REPS1: variants seen among roughly 807,000 people sequenced by gnomAD.
REPS1 encodes RALBP1 associated Eps domain containing 1, also known as ralBP1-associated Eps domain-containing protein 1.
Under a neutral mutation model 100.9 loss-of-function variants are expected in REPS1, and 39 were observed. That is an observed-to-expected ratio of 0.39 (90% CI 0.30 to 0.50). The LOEUF (loss-of-function observed/expected upper bound fraction) is 0.50. Ranked by LOEUF, REPS1 falls within the 20% of genes least tolerant of loss-of-function variation. The pLI is 0.86. For missense variants in REPS1, 821 were observed against 968.5 expected (o/e 0.85, Z 2.02); for synonymous variants, 324 against 340.3 (o/e 0.95, Z 0.53).
Position 138,905,150 on chromosome 6 carries a change from G to C in REPS1, c.2323-18C>G. The stretch of plus-strand genomic sequence containing the variant: ...AGAACATCCTGAAAAAGATGCAAAG[G>C]CCAAGTTATGTTTCAAAGTATATAA... On this transcript the variant is annotated intron_variant, in intron 19 of 19. Coordinates refer to ENST00000450536, the MANE Select transcript of REPS1 (RefSeq NM_001286611.2). 2 of 1,457,098 alleles carry C rather than the reference G, an allele frequency of 1.4e-6. No homozygotes were observed. Among genetic ancestry groups the C allele is most frequent in the Non-Finnish European group, 1.9e-6 (2 of 1,037,454 alleles). The allele number at this position is 1,457,098 out of a possible 1,614,324, so 90.3% of individuals were successfully genotyped here. A position where few individuals can be genotyped will look rare whatever the true frequency, so the allele number is the denominator to read the frequency against.
At chr6:138,923,611 A>G (rs1213696077) in intron 10 of REPS1, among the ~76,000 whole-genome samples, 3 of 152,196 alleles carry the variant, frequency 2.0e-5, no homozygotes, top group Non-Finnish European at 4.4e-5. Flanking sequence ...ATCCTAGCAG[A>G]AGCAGATTCT....
intron 8 of REPS1, among the ~76,000 whole-genome samples, chr6:138,933,170 G>A (rs541877745): frequency 1.2e-4 from 19 of 152,132 alleles, no homozygotes; most frequent in Non-Finnish European, 2.1e-4. Context: ...TAGTACCAAA[G>A]AATAATTACG....
chr6:138,942,237 T>C (rs1287538548), intron 7 of REPS1, among the ~76,000 whole-genome samples: 1 of 152,220 alleles, frequency 6.6e-6, no homozygotes, highest in Non-Finnish European at 1.5e-5. Flanking sequence ...CTTTCCTAGA[T>C]ACAGACAACC....
intron 1 of REPS1, among the ~76,000 whole-genome samples, chr6:138,960,061 G>C (rs1203787584): frequency 6.6e-6 from 1 of 152,180 alleles, no homozygotes. Flanking sequence ...TCCAGTTAAA[G>C]GTTCTGTAGT....
At chr6:138,945,967 T>C (rs1431950759) in intron 2 of REPS1, among the ~76,000 whole-genome samples, 1 of 152,190 alleles carries the variant, frequency 6.6e-6, no homozygotes, top group Non-Finnish European at 1.5e-5. Flanking sequence ...TTTGGCCCTA[T>C]ACTTGCCACT....
At chr6:138,960,954 A>C (rs1783698445) in intron 1 of REPS1, among the ~76,000 whole-genome samples, 1 of 152,194 alleles carries the variant, frequency 6.6e-6, no homozygotes, top group Non-Finnish European at 1.5e-5. Context: ...GGAAAGCGTG[A>C]ATTTTATCAT....
chr6:138,920,981 T>C (rs1048975875), intron 11 of REPS1, 56 bp downstream of exon 11: 1 of 1,232,536 alleles, frequency 8.1e-7, no homozygotes, highest in Non-Finnish European at 1.2e-6. Flanking sequence ...GACAGAATAA[T>C]TACATATTTC....
chr6:138,930,441 G>A (rs759248264), intron 8 of REPS1, among the ~76,000 whole-genome samples: 14 of 152,080 alleles, frequency 9.2e-5, no homozygotes, highest in Non-Finnish European at 1.9e-4. Context: ...TCTATTCCAT[G>A]GAATACTCAT....
intron 1 of REPS1, among the ~76,000 whole-genome samples, chr6:138,966,451 C>T (rs1356062102): frequency 6.6e-6 from 1 of 152,128 alleles, no homozygotes; most frequent in African/African-American, 2.4e-5. Context: ...ACTGTGCACA[C>T]ACAATGTGTC....
chr6:138,932,283 C>T (rs1182886429), intron 8 of REPS1, among the ~76,000 whole-genome samples: 2 of 130,542 alleles, frequency 1.5e-5, no homozygotes, highest in African/African-American at 5.6e-5. Context: ...GAGTTGTAGA[C>T]CTCAAACTGT....
chr6:138,904,332 T>G lies in REPS1; in HGVS notation c.*732A>C, dbSNP rs966056906. 2.0e-5 allele frequency: 3 copies of G among 152,166 alleles called. No individual in the cohort carries two copies. The highest frequency in any genetic ancestry group is 7.2e-5 in the African/African-American group (3 of 41,444). 9.4% of individuals were successfully genotyped at this position (152,166 alleles called of 1,614,324 possible). ...CCCTTTATTCTGGGAATAACTGATA[T>G]CCTCAGAAGTTTTAAAACAATACTT... On this transcript the variant is annotated 3_prime_UTR_variant, in exon 20 of 20. Transcript: ENST00000450536.
rs892005585 is a variant in REPS1, at chr6:138,988,090, C to T, written c.-408G>A. The T allele has an allele frequency of 7.5e-6, 3 of 397,992 alleles. No homozygotes were observed. The highest frequency in any genetic ancestry group is 1.3e-5 in the Non-Finnish European group (3 of 225,732). The allele number at this position is 397,992 out of a possible 1,614,324, so 24.7% of individuals were successfully genotyped here. A position where few individuals can be genotyped will look rare whatever the true frequency, so the allele number is the denominator to read the frequency against. ...CCCCAGACTTCCCGCCTCGGCTTCCCCTTCCGTCCACGCCTCCGGAGCGGC... is the reference window on the plus strand; with the variant it reads ...CCCCAGACTTCCCGCCTCGGCTTCCTCTTCCGTCCACGCCTCCGGAGCGGC... On this transcript the variant is annotated 5_prime_UTR_variant, in exon 1 of 20. Coordinates refer to ENST00000450536, the MANE Select transcript of REPS1 (RefSeq NM_001286611.2).
At chr6:138,926,155 A>T (rs1365824928) in intron 10 of REPS1, among the ~76,000 whole-genome samples, 1 of 152,184 alleles carries the variant, frequency 6.6e-6, no homozygotes, top group Non-Finnish European at 1.5e-5. Flanking sequence ...AGATTGTCAC[A>T]AAAAATGCTT....
At chr6:138,965,434 G>A (rs1399605295) in intron 1 of REPS1, among the ~76,000 whole-genome samples, 2 of 151,990 alleles carry the variant, frequency 1.3e-5, no homozygotes, top group Admixed American at 1.3e-4. Flanking sequence ...AAAGTAGTTT[G>A]AAAAATACTA....
At chr6:138,923,926 C>CA (rs1780939822) in intron 10 of REPS1, among the ~76,000 whole-genome samples, 1 of 149,216 alleles carries the variant, frequency 6.7e-6, no homozygotes, top group South Asian at 2.1e-4. Flanking sequence ...AGTTTTTCCC[C>CA]CCAGGTGATT....
In REPS1 at chr6:138,944,478, A is replaced by G. The variant is rs774790295; in HGVS notation, c.753+20T>C. The G allele has an allele frequency of 8.1e-6, 13 of 1,609,464 alleles. No individual in the cohort carries two copies. Among genetic ancestry groups the G allele is most frequent in the Non-Finnish European group, 1.0e-5 (12 of 1,177,636 alleles). ...TCTGAATGAAGCAAATAAAAATGCA[A>G]TACCAATAAAATGTCACACCTGGAC... On this transcript the variant is annotated intron_variant, in intron 5 of 19. Coordinates refer to ENST00000450536, the MANE Select transcript of REPS1 (RefSeq NM_001286611.2).
chr6:138,911,720 G>A (rs569894790), intron 16 of REPS1, among the ~76,000 whole-genome samples: 93 of 149,960 alleles, frequency 6.2e-4, no homozygotes, highest in African/African-American at 1.9e-3. Flanking sequence ...AGAGGAGGAC[G>A]GGGCAAGGAT....
At chr6:138,934,994 T>C (rs1486213783) in intron 8 of REPS1, among the ~76,000 whole-genome samples, 1 of 152,206 alleles carries the variant, frequency 6.6e-6, no homozygotes. Flanking sequence ...AACGCATATG[T>C]AGAAAGATAA....
chr6:138,924,606 G>A (rs1424632184), intron 10 of REPS1, among the ~76,000 whole-genome samples: 7 of 152,060 alleles, frequency 4.6e-5, no homozygotes, highest in Non-Finnish European at 7.4e-5. Context: ...TTTCTTTATT[G>A]CTACATCTAA....
Sources: allele counts gnomAD v4.1 joint callset (sites outside exome capture counted in the v4.1 genomes callset), GRCh38; gene constraint gnomAD v4.1.1; transcripts MANE v1.5; gene names NCBI Gene and HGNC (gene_info 2026-07-23, HGNC 2026-07-21).